Variants in CCDC110 observed in about 807,000 individuals in gnomAD.
CCDC110 encodes coiled-coil domain containing 110, also known as coiled-coil domain-containing protein 110.
In CCDC110, 70 loss-of-function variants were observed where a neutral mutation model predicts 77.1. That is an observed-to-expected ratio of 0.91 (90% CI 0.75 to 1.11). CCDC110 has a LOEUF of 1.11. Among genes scored for constraint, CCDC110 ranks in the 50% least tolerant of loss-of-function variants. The pLI is 0.00. For missense variants in CCDC110, 868 were observed against 942.9 expected (o/e 0.92, Z 1.04); for synonymous variants, 295 against 312.5 (o/e 0.94, Z 0.59).
Position 185,462,976 on chromosome 4 carries a change from A to T in CCDC110, c.171+18T>A. 1.2e-6 allele frequency: 2 copies of T among 1,601,792 alleles called. No individual in the cohort carries two copies. Among genetic ancestry groups the T allele is most frequent in the Non-Finnish European group, 1.7e-6 (2 of 1,169,184 alleles). On this transcript the variant is annotated intron_variant, in intron 3 of 6. Coordinates refer to ENST00000307588, the MANE Select transcript of CCDC110 (RefSeq NM_152775.4). The stretch of plus-strand genomic sequence containing the variant: ...TTACCCAGAATTTTGGAGATGATAA[A>T]ATGGAATATAGACTCACTTTCAATG...
intron 6 of CCDC110, among the ~76,000 whole-genome samples, chr4:185,456,412 C>T (rs999852283): frequency 2.6e-5 from 3 of 116,446 alleles, no homozygotes; most frequent in Non-Finnish European, 3.8e-5. Flanking sequence ...TAAATAGGAA[C>T]AGAAATCAAT....
At chr4:185,466,432 T>C (rs2095656222) in intron 2 of CCDC110, among the ~76,000 whole-genome samples, 1 of 151,986 alleles carries the variant, frequency 6.6e-6, no homozygotes, top group Admixed American at 6.6e-5. Context: ...CAGAAGGACA[T>C]GCATAGAAGC....
chr4:185,445,934 C>T (rs1181641502), intron 6 of CCDC110, among the ~76,000 whole-genome samples: 1 of 152,120 alleles, frequency 6.6e-6, no homozygotes, highest in Non-Finnish European at 1.5e-5. Flanking sequence ...CTCCACCTCC[C>T]AGGTTCAAGC....
At chr4:185,471,494 G>C in intron 1 of CCDC110, 180 bp downstream of exon 1, 1 of 615,124 alleles carries the variant, frequency 1.6e-6, no homozygotes, top group East Asian at 3.5e-5. Context: ...AAGCCACAGC[G>C]GACGCAGGGG....
intron 6 of CCDC110, among the ~76,000 whole-genome samples, chr4:185,451,110 C>T (rs75169526): frequency 2.0e-5 from 3 of 152,126 alleles, no homozygotes; most frequent in Non-Finnish European, 2.9e-5. Context: ...GTTTCCCTCT[C>T]GCTTGATTCT....
intron 6 of CCDC110, chr4:185,457,913 A>G (rs2095638434): frequency 5.7e-6 from 4 of 706,940 alleles, no homozygotes; most frequent in Non-Finnish European, 8.6e-6. Context: ...CTTGGTTTGT[A>G]CACATACAAT....
In CCDC110 at chr4:185,458,985, T is replaced by C; in HGVS notation, c.1602A>G (p.Leu534=). Residue 534 remains leucine, a synonymous_variant, in exon 6 of 7, where the codon TTA becomes TTG. Transcript: ENST00000307588. The part of the protein sequence containing the change: ...TLEEKNIQLS[L]EKQQMMEALD... ...ATGCTTCCATCATTTGTTGCTTCTC[T>C]AAAGAAAGTTGTATATTTTTTTCCT... 6.2e-7 allele frequency: 1 copy of C among 1,604,082 alleles called. No individual in the cohort carries two copies. Among genetic ancestry groups the C allele is most frequent in the Non-Finnish European group, 8.5e-7 (1 of 1,177,444 alleles).
chr4:185,447,275 G>A (rs1317236378), intron 6 of CCDC110, among the ~76,000 whole-genome samples: 9 of 151,644 alleles, frequency 5.9e-5, no homozygotes, highest in African/African-American at 1.2e-4. Flanking sequence ...TCCACCTGCC[G>A]GGTTCACGCC....
At position 185,458,419 on chromosome 4, in the gene CCDC110, T is replaced by C. The variant is rs1258228805; in HGVS notation, c.2168A>G (p.Lys723Arg). The C allele has an allele frequency of 2.5e-6, 4 of 1,597,384 alleles. No individual in the cohort carries two copies. The South Asian group carries it at 3.4e-5, about 14-fold the overall frequency. ...TTTTATATTTTCTTGACTATGTTTC[T>C]TTAGTTCTTCTTTTAGAATCTGATT... ...TDNQILKEEL[K>R]KHSQENIKFE... The change falls in exon 6 of 7, where the codon AAG becomes AGG. Residue 723 changes from lysine (K) to arginine (R), a missense_variant. Coordinates refer to ENST00000307588, the MANE Select transcript of CCDC110 (RefSeq NM_152775.4).
chr4:185,456,150 T>TTATAGAG (rs143189375), intron 6 of CCDC110, among the ~76,000 whole-genome samples: 100,521 of 151,240 alleles, frequency 0.66, 34,353 homozygotes, highest in Middle Eastern at 0.75. Flanking sequence ...TTAAAAAAGA[T>TTATAGAG]TATGTTCTCT....
chr4:185,449,112 A>T (rs964517064), intron 6 of CCDC110, among the ~76,000 whole-genome samples: 1 of 152,216 alleles, frequency 6.6e-6, no homozygotes, highest in African/African-American at 2.4e-5. Context: ...TTCTAAGTAT[A>T]TATGGCTTTA....
At position 185,459,052 on chromosome 4, in the gene CCDC110, A is replaced by G; in HGVS notation, c.1535T>C (p.Ile512Thr). ...KECLKEFKKIISKYNVLQGQN... is the reference protein window; with the variant it reads ...KECLKEFKKITSKYNVLQGQN... ...GCCTTGCAGAACATTATATTTACTAATTATTTTTTTAAATTCTTTAAGACA... is the reference window on the plus strand; with the variant it reads ...GCCTTGCAGAACATTATATTTACTAGTTATTTTTTTAAATTCTTTAAGACA... The change falls in exon 6 of 7, where the codon ATT becomes ACT. Residue 512 changes from isoleucine (I) to threonine (T), a missense_variant. Physicochemically the swap from Ile to Thr is moderately conservative, Grantham distance 89. Coordinates refer to ENST00000307588, the MANE Select transcript of CCDC110 (RefSeq NM_152775.4). The G allele has an allele frequency of 1.3e-6, 2 of 1,567,016 alleles. 1 individual carries two copies. Among genetic ancestry groups the G allele is most frequent in the East Asian group, 4.5e-5 (2 of 44,182 alleles).
Position 185,468,644 on chromosome 4 carries a change from A to G in CCDC110, c.115+2301T>C, listed in dbSNP as rs1190233691. Among the ~76,000 whole-genome samples, 1 of 152,114 alleles carries G rather than the reference A, an allele frequency of 6.6e-6. No homozygotes were observed. Among genetic ancestry groups the G allele is most frequent in the Non-Finnish European group, 1.5e-5 (1 of 68,026 alleles). ...TGCCTGCGGTGCTCTTTCCCTAGAA[A>G]TCTGCACAGATTGCTTCTTTACTTC... On this transcript the variant is annotated intron_variant, in intron 2 of 6. Transcript: ENST00000307588. This position sits in a 1 kb window ranked among gnomAD's most constrained non-coding sequence, Gnocchi z 4.5.
chr4:185,447,243 A>T (rs1037993573), intron 6 of CCDC110, among the ~76,000 whole-genome samples: 4 of 150,930 alleles, frequency 2.7e-5, no homozygotes, highest in Non-Finnish European at 5.9e-5. Context: ...ATGCAGTGGC[A>T]CGATCTCGGC....
chr4:185,471,617 T>C, intron 1 of CCDC110, 57 bp downstream of exon 1: 1 of 1,541,578 alleles, frequency 6.5e-7, no homozygotes, highest in Non-Finnish European at 8.7e-7. Context: ...TGAATGCCCT[T>C]CTGCTGCCCT....
rs1358661473 is a variant in CCDC110 at position 185,451,011 on chromosome 4, A to G, written c.2462-5469T>C. Among the ~76,000 whole-genome samples the G allele has an allele frequency of 1.3e-4, 20 of 152,234 alleles. 1 individual carries two copies. In the South Asian group the frequency reaches 2.1e-3, roughly 16 times the overall value. ...CCACATATTGTGGGAGGGACCTGGT[A>G]GGAGTTAATTCAATCATGGAGGCAG... On this transcript the variant is annotated intron_variant, in intron 6 of 6. Coordinates refer to ENST00000307588, the MANE Select transcript of CCDC110 (RefSeq NM_152775.4).
Position 185,445,210 on chromosome 4 carries a change from T to C in CCDC110, c.*292A>G, listed in dbSNP as rs2153312213. The stretch of plus-strand genomic sequence containing the variant: ...TATACTTCTTCAAAATAGTATCTTT[T>C]ATTTATATATACTTTTTTAAATGAC... On this transcript the variant is annotated 3_prime_UTR_variant, in exon 7 of 7. Coordinates refer to ENST00000307588, the MANE Select transcript of CCDC110 (RefSeq NM_152775.4). The C allele has an allele frequency of 8.2e-7, 1 of 1,224,852 alleles. No individual in the cohort carries two copies. The highest frequency in any genetic ancestry group is 2.5e-5 in the East Asian group (1 of 39,276). The allele number at this position is 1,224,852 out of a possible 1,614,324, so 75.9% of individuals were successfully genotyped here.
At chr4:185,448,772 C>G (rs1236074236) in intron 6 of CCDC110, among the ~76,000 whole-genome samples, 1 of 152,150 alleles carries the variant, frequency 6.6e-6, no homozygotes, top group Non-Finnish European at 1.5e-5. Flanking sequence ...ATAGATGGAA[C>G]TTTGTGTGTG....
In CCDC110 at chr4:185,458,699, G is replaced by A. The variant is rs775158306; in HGVS notation, c.1888C>T (p.Leu630Phe). 9.4e-6 allele frequency: 15 copies of A among 1,604,094 alleles called. No individual in the cohort carries two copies. The highest frequency in any genetic ancestry group is 1.3e-5 in the African/African-American group (1 of 74,406). The change falls in exon 6 of 7, where the codon CTT becomes TTT. Residue 630 changes from leucine (L) to phenylalanine (F), a missense_variant. By Grantham distance (22) the Leu-to-Phe change is conservative. Coordinates refer to ENST00000307588, the MANE Select transcript of CCDC110 (RefSeq NM_152775.4). ...TTAACTGTTTCTATTATTTGAAGAA[G>A]TGTCTCTTGTTCCGTTTTTGCCAAT... ...ERLAKTEQETLLQIIETVKDE... is the reference protein window; with the variant it reads ...ERLAKTEQETFLQIIETVKDE...
Sources: gnomAD v4.1 joint callset for allele counts (sites outside exome capture counted in the v4.1 genomes callset) on GRCh38, gnomAD v4.1.1 for gene constraint, Gnocchi (gnomAD v3.1) non-coding constraint, MANE v1.5 for transcripts, NCBI Gene and HGNC (gene_info 2026-07-23, HGNC 2026-07-21) for gene names.